Variants in CORO2B observed in about 807,000 individuals in gnomAD.
The protein encoded by CORO2B is coronin 2B.
In CORO2B, 26 loss-of-function variants were observed where a neutral mutation model predicts 58.8. The observed-to-expected ratio is 0.44, with a 90% CI of 0.32 to 0.61. CORO2B has a LOEUF of 0.61. CORO2B is among the 20% of genes least tolerant of loss of function. The pLI, the probability that CORO2B is intolerant of heterozygous loss-of-function variation, is 0.04. For missense variants in CORO2B, 460 were observed against 645.1 expected, an observed-to-expected ratio of 0.71 and a Z score of 3.11; for synonymous variants, 242 against 253.8, an observed-to-expected ratio of 0.95 and a Z score of 0.44.
chr15:68,658,611 C>T (rs568285966), intron 2 of CORO2B, among the ~76,000 whole-genome samples: 61 of 152,344 alleles, frequency 4.0e-4, no homozygotes, highest in South Asian at 3.3e-3. Context: ...TAGGTCCACC[C>T]GAGCTGCTTA....
intron 2 of CORO2B, among the ~76,000 whole-genome samples, chr15:68,669,019 G>C (rs139197340): frequency 6.6e-6 from 1 of 151,220 alleles, no homozygotes; most frequent in Non-Finnish European, 1.5e-5. Context: ...CAGAGGTTGC[G>C]GTGAGCCAAG....
At chr15:68,603,947 G>A (rs1900044012) in intron 1 of CORO2B, among the ~76,000 whole-genome samples, 1 of 152,188 alleles carries the variant, frequency 6.6e-6, no homozygotes, top group Non-Finnish European at 1.5e-5. Context: ...GAATTCAGAA[G>A]GGCAGCTGGT....
At chr15:68,586,351 G>A (rs544225029) in intron 1 of CORO2B, among the ~76,000 whole-genome samples, 1 of 152,292 alleles carries the variant, frequency 6.6e-6, no homozygotes, top group East Asian at 1.9e-4. Context: ...CAGGGGGCCT[G>A]ACCTAGTCAG....
At chr15:68,606,982 G>A (rs928236568) in intron 1 of CORO2B, among the ~76,000 whole-genome samples, 3 of 152,178 alleles carry the variant, frequency 2.0e-5, no homozygotes, top group Admixed American at 1.3e-4. Context: ...CCCAAAGCTG[G>A]AGGGCACTAC....
intron 1 of CORO2B, among the ~76,000 whole-genome samples, chr15:68,644,686 C>T (rs373402331): frequency 3.3e-5 from 5 of 152,114 alleles, no homozygotes; most frequent in Non-Finnish European, 5.9e-5. Context: ...CCTTCTTGCA[C>T]GTGGAGAGAC....
At chr15:68,642,426 G>A (rs923472121) in intron 1 of CORO2B, among the ~76,000 whole-genome samples, 7 of 152,114 alleles carry the variant, frequency 4.6e-5, no homozygotes, top group Non-Finnish European at 8.8e-5. Context: ...GACCATCCCC[G>A]GTGCCCAGCC....
Position 68,690,151 on chromosome 15 carries a change from C to T in CORO2B, c.217-4989C>T, listed in dbSNP as rs1892321936. 2.0e-5 allele frequency among the ~76,000 whole-genome samples: 3 copies of T among 152,232 alleles called. No homozygotes were observed. The South Asian group carries it at 6.2e-4, about 31-fold the overall frequency. ...TATAATAGTGTGCTGAGAGCCTCTT[C>T]TATCTCTGTATTTGGTGGCATTAGC... On this transcript the variant is annotated intron_variant, in intron 2 of 11. Transcript: ENST00000261861.
chr15:68,695,319 C>T, intron 3 of CORO2B, 63 bp downstream of exon 3: 2 of 1,172,676 alleles, frequency 1.7e-6, no homozygotes, highest in South Asian at 2.4e-5. Flanking sequence ...CCTTTGGAGG[C>T]CTCTCTTCCT....
In CORO2B at chr15:68,710,252, A is replaced by G. The variant is rs1340341304; in HGVS notation, c.334-480A>G. 6.6e-6 allele frequency among the ~76,000 whole-genome samples: 1 copy of G among 152,176 alleles called. No individual in the cohort carries two copies. Among genetic ancestry groups the G allele is most frequent in the Non-Finnish European group, 1.5e-5 (1 of 68,022 alleles). ...TGGGGCCCCTCAGCCTCCCAGATGCAGTTCCCCCTGCCCAGGGGTCCATCC... is the reference window on the plus strand; with the variant it reads ...TGGGGCCCCTCAGCCTCCCAGATGCGGTTCCCCCTGCCCAGGGGTCCATCC... On this transcript the variant is annotated intron_variant, in intron 3 of 11. Coordinates refer to ENST00000261861, the MANE Select transcript of CORO2B (RefSeq NM_006091.5). This position sits in a 1 kb window ranked among gnomAD's most constrained non-coding sequence, Gnocchi z 4.1.
At chr15:68,609,582 G>A (rs1486121707) in intron 1 of CORO2B, among the ~76,000 whole-genome samples, 1 of 152,126 alleles carries the variant, frequency 6.6e-6, no homozygotes, top group Non-Finnish European at 1.5e-5. Flanking sequence ...TTTGGAGTTG[G>A]GGGAGTAAAT....
At chr15:68,519,779 TTTC>T in the CORO2B span, among the ~76,000 whole-genome samples, 1 of 152,214 alleles carries the variant, frequency 6.6e-6, no homozygotes, top group African/African-American at 2.4e-5. Flanking sequence ...GCTTTCAGCG[TTTC>T]TTCTTTTCTA....
intron 1 of CORO2B, among the ~76,000 whole-genome samples, chr15:68,591,262 G>C (rs944947025): frequency 1.3e-5 from 2 of 152,246 alleles, no homozygotes; most frequent in African/African-American, 4.8e-5. Context: ...CAGTCTTCCA[G>C]CATGAGTAGG....
chr15:68,550,208 A>C, the CORO2B span, among the ~76,000 whole-genome samples: 1 of 152,130 alleles, frequency 6.6e-6, no homozygotes, highest in Non-Finnish European at 1.5e-5. Flanking sequence ...CTTCTTTCTT[A>C]CCAGCATGAA....
chr15:68,593,475 G>T (rs728401), intron 1 of CORO2B, among the ~76,000 whole-genome samples: 1 of 152,056 alleles, frequency 6.6e-6, no homozygotes, highest in African/African-American at 2.4e-5. Flanking sequence ...GCCAGGTCTG[G>T]ATGTAGCCCT....
chr15:68,694,387 A>G (rs1892459737), intron 2 of CORO2B, among the ~76,000 whole-genome samples: 1 of 152,216 alleles, frequency 6.6e-6, no homozygotes, highest in South Asian at 2.1e-4. Context: ...GAGAGGGGAA[A>G]CCGAGGCTCA....
chr15:68,669,208 A>C (rs962979864), intron 2 of CORO2B, among the ~76,000 whole-genome samples: 5 of 152,144 alleles, frequency 3.3e-5, no homozygotes, highest in African/African-American at 1.2e-4. Context: ...GCAAGCAAGC[A>C]AGCCGGAGAC....
At chr15:68,529,201 C>T in the CORO2B span, among the ~76,000 whole-genome samples, 121 of 152,108 alleles carry the variant, frequency 8.0e-4, no homozygotes, top group Non-Finnish European at 1.5e-3. Flanking sequence ...TACTGTGGCT[C>T]GTCAGGAGAT....
the CORO2B span, among the ~76,000 whole-genome samples, chr15:68,554,134 T>C: frequency 6.6e-6 from 1 of 152,268 alleles, no homozygotes; most frequent in Admixed American, 6.5e-5. Context: ...TGTCGGGCCC[T>C]GGTACCACCT....
chr15:68,671,857 C>A (rs1226373461), intron 2 of CORO2B, among the ~76,000 whole-genome samples: 1 of 152,110 alleles, frequency 6.6e-6, no homozygotes, highest in Non-Finnish European at 1.5e-5. Context: ...AACCCTGGTG[C>A]AATATGGGAG....
Sources: allele counts gnomAD v4.1 joint callset (sites outside exome capture counted in the v4.1 genomes callset), GRCh38; gene constraint gnomAD v4.1.1; non-coding constraint Gnocchi (gnomAD v3.1); transcripts MANE v1.5; gene names NCBI Gene and HGNC (gene_info 2026-07-23, HGNC 2026-07-21).